Variants in RAI14 observed in about 807,000 individuals in gnomAD.
The protein encoded by RAI14 is ankycorbin.
A neutral mutation model predicts 115.4 loss-of-function variants in RAI14; 45 were observed. That is an observed-to-expected ratio of 0.39 (90% CI 0.31 to 0.50). The LOEUF is 0.50. RAI14 is among the 20% of genes least tolerant of loss of function. The pLI is 0.85. For missense variants in RAI14, 939 were observed against 1,131.2 expected (o/e 0.83, Z 2.44); for synonymous variants, 371 against 415.4 (o/e 0.89, Z 1.30).
At chr5:34,808,022 C>T (rs954457231) in intron 6 of RAI14, among the ~76,000 whole-genome samples, 165 bp downstream of exon 6, 1 of 152,028 alleles carries the variant, frequency 6.6e-6, no homozygotes. Flanking sequence ...ACAGTTTTAC[C>T]GAGGCATATG....
At chr5:34,796,060 C>T (rs746200754) in intron 4 of RAI14, 33 bp downstream of exon 4, 5 of 1,514,822 alleles carry the variant, frequency 3.3e-6, no homozygotes, top group Non-Finnish European at 4.6e-6. Flanking sequence ...AGTCAGCAGG[C>T]CAGCACCAGA....
chr5:34,803,920 T>C (rs755631139), intron 5 of RAI14, 144 bp downstream of exon 5: 1 of 705,546 alleles, frequency 1.4e-6, no homozygotes. Context: ...AGCTTCATGA[T>C]TGAAATGATA....
At chr5:34,689,295 C>T (rs1465849473) in intron 2 of RAI14, among the ~76,000 whole-genome samples, 1 of 152,068 alleles carries the variant, frequency 6.6e-6, no homozygotes, top group Non-Finnish European at 1.5e-5. Context: ...GTTCCAGCTA[C>T]TCGGGAGGCT....
intron 2 of RAI14, among the ~76,000 whole-genome samples, chr5:34,746,529 C>T (rs1207950799): frequency 3.3e-5 from 5 of 151,428 alleles, no homozygotes; most frequent in Admixed American, 6.6e-5. Flanking sequence ...CTCCGCCTCC[C>T]GAGTAGCTGG....
intron 2 of RAI14, among the ~76,000 whole-genome samples, chr5:34,714,494 T>G (rs547267879): frequency 6.6e-6 from 1 of 152,300 alleles, no homozygotes; most frequent in East Asian, 1.9e-4. Context: ...TTCTTCTGAG[T>G]GGTTTCACTC....
chr5:34,803,678 T>A (rs1028223930), intron 4 of RAI14, 34 bp from the exon 5 acceptor site: 8 of 1,542,142 alleles, frequency 5.2e-6, no homozygotes, highest in Non-Finnish European at 7.0e-6. Context: ...GTGGCCTTTT[T>A]AAAAAAAATT....
At chr5:34,746,404 C>CT (rs35823753) in intron 2 of RAI14, among the ~76,000 whole-genome samples, 10,897 of 136,802 alleles carry the variant, frequency 0.08, 448 homozygotes, top group Middle Eastern at 0.22. Flanking sequence ...TGCGCCTGGC[C>CT]TTTTTTTTTT....
At chr5:34,716,002 G>T (rs1296151172) in intron 2 of RAI14, 24 of 390,422 alleles carry the variant, frequency 6.1e-5, no homozygotes, top group Admixed American at 4.9e-4. Flanking sequence ...TATGCAATAT[G>T]TGGGTAGTTA....
chr5:34,784,457 T>C (rs71615825), intron 3 of RAI14, among the ~76,000 whole-genome samples: 39,157 of 152,124 alleles, frequency 0.26, 5,760 homozygotes, highest in Non-Finnish European at 0.31. Flanking sequence ...ATGGGTTTGC[T>C]GAGTAAGACT....
At chr5:34,800,676 A>G (rs569991887) in intron 4 of RAI14, among the ~76,000 whole-genome samples, 1 of 152,342 alleles carries the variant, frequency 6.6e-6, no homozygotes, top group African/African-American at 2.4e-5. Context: ...GCTGGGGAAT[A>G]AAAGAATTTT....
chr5:34,668,626 A>G (rs1267930461), intron 1 of RAI14, among the ~76,000 whole-genome samples: 2 of 152,146 alleles, frequency 1.3e-5, no homozygotes, highest in Non-Finnish European at 2.9e-5. Context: ...TTTTCTTTGG[A>G]GTTGATATCA....
chr5:34,772,040 G>A (rs1241727570), intron 3 of RAI14, among the ~76,000 whole-genome samples: 1 of 152,010 alleles, frequency 6.6e-6, no homozygotes, highest in Non-Finnish European at 1.5e-5. Flanking sequence ...TCTCAAGTAG[G>A]TGGGACTATA....
At chr5:34,792,935 T>C (rs1167785317) in intron 3 of RAI14, among the ~76,000 whole-genome samples, 3 of 152,164 alleles carry the variant, frequency 2.0e-5, no homozygotes, top group East Asian at 3.9e-4. Flanking sequence ...AGCATAATAG[T>C]TGGAAAGTCC....
At chr5:34,795,032 T>A (rs1183470638) in intron 3 of RAI14, among the ~76,000 whole-genome samples, 1 of 152,232 alleles carries the variant, frequency 6.6e-6, no homozygotes, top group Non-Finnish European at 1.5e-5. Context: ...GGATGGCAAC[T>A]GAGAGAAGGG....
chr5:34,751,926 C>T (rs1400175888), intron 2 of RAI14, among the ~76,000 whole-genome samples: 5 of 152,092 alleles, frequency 3.3e-5, no homozygotes, highest in Admixed American at 2.6e-4. Context: ...ACATAGGTTC[C>T]AGTTGTCCTC....
At chr5:34,700,819 T>C (rs1739970838) in intron 2 of RAI14, among the ~76,000 whole-genome samples, 1 of 152,222 alleles carries the variant, frequency 6.6e-6, no homozygotes. Context: ...GCTCATTAGC[T>C]CAAGTGGTTG....
chr5:34,658,981 T>C (rs1173540617), intron 1 of RAI14: 1 of 152,188 alleles, frequency 6.6e-6, no homozygotes, highest in Non-Finnish European at 1.5e-5. Context: ...CCTACTCCTT[T>C]GCCTCCATCC....
Position 34,802,672 on chromosome 5 carries a change from G to A in RAI14, c.257-1040G>A, listed in dbSNP as rs140515625. Among the ~76,000 whole-genome samples, 470 of 152,252 alleles carry A rather than the reference G, an allele frequency of 3.1e-3. 4 individuals are homozygous for A. The highest frequency in any genetic ancestry group is 6.7e-3 in the Admixed American group (103 of 15,294). ...GTCCTCACCAAGCTTATATTCTCAT[G>A]GGGGAAAAATAATTAACTATATAAG... On this transcript the variant is annotated intron_variant, in intron 4 of 17. Transcript: ENST00000265109.
At chr5:34,821,063 T>C (rs1756774301) in intron 13 of RAI14, among the ~76,000 whole-genome samples, 1 of 152,016 alleles carries the variant, frequency 6.6e-6, no homozygotes, top group Admixed American at 6.5e-5. Flanking sequence ...AAAATAGGAA[T>C]CTAGAAAAGT....
Sources: allele counts gnomAD v4.1 joint callset (sites outside exome capture counted in the v4.1 genomes callset), GRCh38; gene constraint gnomAD v4.1.1; transcripts MANE v1.5; gene names NCBI Gene and HGNC (gene_info 2026-07-23, HGNC 2026-07-21).